SPEF2: variants seen among roughly 807,000 people sequenced by gnomAD.
SPEF2 encodes the protein sperm flagella and cilia-associated protein 2.
SPEF2 carries 187 observed loss-of-function variants against 224.6 expected under a neutral mutation model. That is an observed-to-expected ratio of 0.83 (90% CI 0.74 to 0.94). SPEF2 has a LOEUF of 0.94. Among genes scored for constraint, SPEF2 ranks in the 40% least tolerant of loss-of-function variants. The pLI is 0.00. For missense variants in SPEF2, 2,170 were observed against 2,135.6 expected, an observed-to-expected ratio of 1.02 and a Z score of -0.32; for synonymous variants, 715 against 707.3, an observed-to-expected ratio of 1.01 and a Z score of -0.17.
At chr5:35,811,665 G>A (rs1430200133) in intron 36 of SPEF2, among the ~76,000 whole-genome samples, 2 of 150,684 alleles carry the variant, frequency 1.3e-5, no homozygotes, top group Non-Finnish European at 2.9e-5. Flanking sequence ...CATATAAAGT[G>A]TTTAACTCAG....
chr5:35,807,753 G>T, intron 36 of SPEF2: 1 of 1,535,980 alleles, frequency 6.5e-7, no homozygotes. Flanking sequence ...AGAGAAACTG[G>T]ACAAACCCAG....
intron 15 of SPEF2, chr5:35,700,186 A>G (rs975935005): frequency 2.3e-5 from 6 of 265,846 alleles, no homozygotes; most frequent in African/African-American, 1.3e-4. Flanking sequence ...CTTTCTTTGT[A>G]AATTGCCCAG....
chr5:35,750,781 G>C (rs1366650757), intron 23 of SPEF2, among the ~76,000 whole-genome samples: 1 of 151,650 alleles, frequency 6.6e-6, no homozygotes, highest in Non-Finnish European at 1.5e-5. Flanking sequence ...ATGGAAAACA[G>C]TGTGGAGATT....
intron 8 of SPEF2, among the ~76,000 whole-genome samples, chr5:35,664,944 A>T (rs1259200141): frequency 6.6e-6 from 1 of 152,182 alleles, no homozygotes; most frequent in East Asian, 1.9e-4. Context: ...TCTTCCTTTG[A>T]GACAATTGCA....
intron 10 of SPEF2, chr5:35,678,485 A>C (rs938641744): frequency 2.0e-5 from 3 of 152,198 alleles, no homozygotes; most frequent in Non-Finnish European, 4.4e-5. Flanking sequence ...TGCAAATGTC[A>C]GTGAAAAACA....
chr5:35,735,042 C>G (rs1239418384), intron 21 of SPEF2, among the ~76,000 whole-genome samples: 2 of 151,956 alleles, frequency 1.3e-5, no homozygotes, highest in African/African-American at 2.4e-5. Flanking sequence ...AATTAAGTTG[C>G]CTAGGTCTTT....
At position 35,795,774 on chromosome 5, in the gene SPEF2, T is replaced by C. The variant is rs376052806; in HGVS notation, c.4809T>C (p.Asn1603=). The C allele has an allele frequency of 1.7e-4, 274 of 1,613,238 alleles. No homozygotes were observed. Among genetic ancestry groups the C allele is most frequent in the Admixed American group, 3.5e-4 (21 of 59,988 alleles). ...ATCCTCTTGAACCCCTTCCATTTAA[T>C]AGGCAGGAGCATCTTATAGAGGTAA... ...PENPLEPLPF[N]RQEHLIEFFF... is the part of the protein sequence containing the mutation. Residue 1603 remains asparagine (N), a synonymous_variant, in exon 33 of 37, where the codon AAT becomes AAC. Transcript: ENST00000356031.
rs1749887275 is a variant in SPEF2, at chr5:35,752,923, T to C, written c.3331-701T>C. 2.0e-5 allele frequency among the ~76,000 whole-genome samples: 3 copies of C among 149,916 alleles called. No individual in the cohort carries two copies. In the South Asian group the frequency reaches 6.2e-4, roughly 31 times the overall value. On this transcript the variant is annotated intron_variant, in intron 23 of 36. Transcript: ENST00000356031. ...GTGATAACTATTTTTATTATATTTATATGTAAATTATTAAATATATATAAT... is the reference window on the plus strand; with the variant it reads ...GTGATAACTATTTTTATTATATTTACATGTAAATTATTAAATATATATAAT...
Position 35,640,983 on chromosome 5 carries a change from G to A in SPEF2, c.162-448G>A, listed in dbSNP as rs193251799. ...AAACATGCTATATGATGTTATACAC[G>A]CTTTGTCTGTATGTATAAATGTATG... On this transcript the variant is annotated intron_variant, in intron 2 of 36. Transcript: ENST00000356031. 3.9e-5 allele frequency among the ~76,000 whole-genome samples: 6 copies of A among 152,208 alleles called. No individual in the cohort carries two copies. In the East Asian group the frequency reaches 5.8e-4, roughly 15 times the overall value.
chr5:35,752,017 G>A (rs1749732758), intron 23 of SPEF2, among the ~76,000 whole-genome samples: 1 of 152,166 alleles, frequency 6.6e-6, no homozygotes, highest in Non-Finnish European at 1.5e-5. Context: ...CAGATCATGA[G>A]GCATTAGATT....
chr5:35,703,500 T>C (rs972461288), intron 16 of SPEF2, among the ~76,000 whole-genome samples: 3 of 151,980 alleles, frequency 2.0e-5, no homozygotes, highest in Admixed American at 6.6e-5. Flanking sequence ...GTCTTTAGGA[T>C]TGCAAAGATG....
At chr5:35,799,144 C>A (rs539398231) in intron 33 of SPEF2, among the ~76,000 whole-genome samples, 1 of 152,170 alleles carries the variant, frequency 6.6e-6, no homozygotes, top group Non-Finnish European at 1.5e-5. Flanking sequence ...TTAGAAGGTC[C>A]AGCACCATAT....
intron 30 of SPEF2, chr5:35,789,533 A>G (rs1561368491): frequency 1.4e-5 from 9 of 654,970 alleles, no homozygotes; most frequent in Non-Finnish European, 2.5e-5. Context: ...ATTCAGCCAC[A>G]CACTTTCATG....
chr5:35,775,942 C>A (rs1753559863), intron 28 of SPEF2, among the ~76,000 whole-genome samples: 1 of 152,050 alleles, frequency 6.6e-6, no homozygotes, highest in Non-Finnish European at 1.5e-5. Context: ...AAGCACGGTC[C>A]CCACTCCCTT....
intron 20 of SPEF2, among the ~76,000 whole-genome samples, chr5:35,717,094 G>A (rs1333974318): frequency 6.6e-6 from 1 of 152,192 alleles, no homozygotes; most frequent in African/African-American, 2.4e-5. Context: ...TTACCCAGGA[G>A]AGATGTTAAT....
intron 6 of SPEF2, among the ~76,000 whole-genome samples, chr5:35,653,790 A>G (rs1358785009): frequency 2.0e-5 from 3 of 151,500 alleles, no homozygotes; most frequent in Non-Finnish European, 4.4e-5. Context: ...TACTAAAAAT[A>G]CAAAAAATTA....
chr5:35,678,990 A>T (rs1395266769), intron 10 of SPEF2, among the ~76,000 whole-genome samples: 2 of 152,208 alleles, frequency 1.3e-5, no homozygotes, highest in Non-Finnish European at 2.9e-5. Context: ...GTTCTTCCAG[A>T]CTTCGTCAGG....
At position 35,694,330 on chromosome 5, in the gene SPEF2, G is replaced by T. The variant is rs200903448; in HGVS notation, c.1942G>T (p.Val648Leu). Reference protein sequence around the residue: ...VFSAGPVSDEVLPETEGETML... With the variant: ...VFSAGPVSDELLPETEGETML... ...TTCAGCTGGTCCAGTTTCAGATGAAGTATTACCAGAAACAGAAGGTGAAAC... is the reference window on the plus strand; with the variant it reads ...TTCAGCTGGTCCAGTTTCAGATGAATTATTACCAGAAACAGAAGGTGAAAC... Residue 648 changes from valine (V) to leucine (L), a missense_variant, in exon 13 of 37, where the codon GTA becomes TTA. Physicochemically the swap from Val to Leu is conservative, Grantham distance 32 (BLOSUM62 1). Coordinates refer to ENST00000356031, the MANE Select transcript of SPEF2 (RefSeq NM_024867.4). 2.1e-4 allele frequency: 346 copies of T among 1,613,348 alleles called. No individual in the cohort carries two copies. Among genetic ancestry groups the T allele is most frequent in the Non-Finnish European group, 2.8e-4 (336 of 1,179,696 alleles).
chr5:35,725,952 G>A (rs1285411696), intron 20 of SPEF2, among the ~76,000 whole-genome samples: 2 of 152,102 alleles, frequency 1.3e-5, no homozygotes. Flanking sequence ...TTACACTGAG[G>A]ACTCAATGAT....
Sources: allele counts gnomAD v4.1 joint callset (sites outside exome capture counted in the v4.1 genomes callset), GRCh38; gene constraint gnomAD v4.1.1; transcripts MANE v1.5; gene names NCBI Gene and HGNC (gene_info 2026-07-23, HGNC 2026-07-21).